MX1: variants seen among roughly 807,000 people sequenced by gnomAD.
MX1 encodes MX dynamin like GTPase 1, also known as interferon-induced GTP-binding protein Mx1.
MX1 carries 66 observed loss-of-function variants against 66.4 expected under a neutral mutation model. The ratio of observed to expected loss-of-function variants is 0.99; its 90% CI spans 0.82 to 1.22. MX1 has a LOEUF of 1.22. Ranked by LOEUF, MX1 falls within the 50% of genes most tolerant of loss-of-function variation. The pLI is 0.00. For synonymous variants in MX1, 311 were observed against 318.1 expected (o/e 0.98, Z 0.24); for missense variants, 787 against 834.3 (o/e 0.94, Z 0.70).
upstream of MX1, among the ~76,000 whole-genome samples, chr21:41,423,624 C>T (rs1315007654): frequency 6.6e-6 from 1 of 152,064 alleles, no homozygotes; most frequent in East Asian, 1.9e-4. Flanking sequence ...GATTCTTAGT[C>T]GGCCTGGGAC....
At chr21:41,451,142 G>A in intron 14 of MX1, 25 bp from the exon 15 acceptor site, 1 of 1,500,360 alleles carries the variant, frequency 6.7e-7, no homozygotes, top group African/African-American at 1.4e-5. Context: ...TACCAATATT[G>A]AACTATTTTT....
Position 41,441,149 on chromosome 21 carries a change from T to C in MX1, c.730+124T>C. The stretch of plus-strand genomic sequence containing the variant: ...GGAGCCCGCCTGTGCTCGGTGAGAA[T>C]GGGGGAGCCCGCCTGTGCTCGGTGG... On this transcript the variant is annotated intron_variant, in intron 9 of 16. Transcript: ENST00000398598. This position sits in a 1 kb window ranked among gnomAD's most constrained non-coding sequence, Gnocchi z 4.0. The C allele has an allele frequency of 1.7e-6, 2 of 1,203,892 alleles. No homozygotes were observed. Among genetic ancestry groups the C allele is most frequent in the Non-Finnish European group, 1.1e-6 (1 of 888,670 alleles). The allele number at this position is 1,203,892 out of a possible 1,614,324, so 74.6% of individuals were successfully genotyped here. A position where few individuals can be genotyped will look rare whatever the true frequency, so the allele number is the denominator to read the frequency against.
At chr21:41,456,036 G>A (rs2090950166) in intron 16 of MX1, among the ~76,000 whole-genome samples, 1 of 152,170 alleles carries the variant, frequency 6.6e-6, no homozygotes, top group African/African-American at 2.4e-5. Context: ...GAGGCCAGGA[G>A]TTTGAGACCA....
chr21:41,458,467 G>A, intron 16 of MX1, 61 bp from the exon 17 acceptor site: 6 of 1,179,734 alleles, frequency 5.1e-6, no homozygotes, highest in South Asian at 1.9e-5. Context: ...ACATGGTGAG[G>A]TCAGAGTCCC....
In MX1 at chr21:41,451,241, A is replaced by G. The variant is rs745675331; in HGVS notation, c.1507A>G (p.Lys503Glu). The G allele has an allele frequency of 6.3e-7, 1 of 1,599,728 alleles. No homozygotes were observed. Among genetic ancestry groups the G allele is most frequent in the Non-Finnish European group, 8.6e-7 (1 of 1,168,514 alleles). ...GTTTTTTAACCTCCACAGAACCGCCAAGGTAAAACCAACCATGTGTTGTTT... is the reference window on the plus strand; with the variant it reads ...GTTTTTTAACCTCCACAGAACCGCCGAGGTAAAACCAACCATGTGTTGTTT... Reference protein sequence around the residue: ...EEFFNLHRTAKSKIEDIRAEQ... With the variant: ...EEFFNLHRTAESKIEDIRAEQ... Residue 503 changes from lysine (K) to glutamate (E), a missense_variant and splice_region_variant, in exon 15 of 17, where the codon AAG becomes GAG. By Grantham distance (56) the Lys-to-Glu change is moderately conservative. Transcript: ENST00000398598.
chr21:41,434,485 A>G (rs192216514), intron 5 of MX1, among the ~76,000 whole-genome samples: 6 of 152,172 alleles, frequency 3.9e-5, no homozygotes, highest in Admixed American at 3.9e-4. Context: ...TCATCTTGCT[A>G]TTTGTTTTCT....
upstream of MX1, among the ~76,000 whole-genome samples, chr21:41,424,226 A>AGTGTGTGTGTGTGTGTGTGT (rs3037030): frequency 1.4e-5 from 2 of 146,216 alleles, no homozygotes; most frequent in East Asian, 2.0e-4. Context: ...AGAGGGGTTG[A>AGTGTGTGTGTGTGTGTGTGT]GTGTGTGTGT....
At chr21:41,451,858 A>AAGG (rs1555887875) in intron 15 of MX1, among the ~76,000 whole-genome samples, 1 of 138,222 alleles carries the variant, frequency 7.2e-6, no homozygotes, top group African/African-American at 2.8e-5. Flanking sequence ...AAAACAAACA[A>AAGG]AAAAACTTTC....
chr21:41,436,958 C>T (rs911291112), intron 6 of MX1, 57 bp from the exon 7 acceptor site: 48 of 1,598,090 alleles, frequency 3.0e-5, no homozygotes, highest in East Asian at 1.3e-4. Context: ...GGGCCTAAGG[C>T]GCTATGTAGG....
chr21:41,434,146 A>G (rs1310015591), intron 5 of MX1, among the ~76,000 whole-genome samples: 2 of 152,372 alleles, frequency 1.3e-5, no homozygotes, highest in Non-Finnish European at 1.5e-5. Context: ...ACGTCTGTCT[A>G]TGATGAAGCA....
chr21:41,427,499 A>T (rs2090094607), intron 2 of MX1, among the ~76,000 whole-genome samples, 195 bp downstream of exon 2: 1 of 151,426 alleles, frequency 6.6e-6, no homozygotes, highest in African/African-American at 2.4e-5. Context: ...CGTTCTGCAC[A>T]TGTACCCCAG....
In MX1 at chr21:41,456,769, G is replaced by GT. The variant is rs902830407; in HGVS notation, c.1759-1750dup. Among the ~76,000 whole-genome samples, 229 of 150,790 alleles carry GT rather than the reference G, an allele frequency of 1.5e-3. 2 individuals are homozygous for GT. Among genetic ancestry groups the GT allele is most frequent in the African/African-American group, 5.0e-3 (206 of 41,096 alleles). Reference sequence around the variant, plus strand: ...GTTGTTGGTTTTTTTTGTTTGTTTGGTTTTTTTTTGGTGACAGAGTCTCAC... The same window carrying GT: ...GTTGTTGGTTTTTTTTGTTTGTTTGGTTTTTTTTTTGGTGACAGAGTCTCAC... On this transcript the variant is annotated intron_variant, in intron 16 of 16. Transcript: ENST00000398598.
In MX1 at chr21:41,441,597, G is replaced by A. The variant is rs2090513736; in HGVS notation, c.731-119G>A. 1.9e-6 allele frequency: 2 copies of A among 1,026,842 alleles called. No individual in the cohort carries two copies. Among genetic ancestry groups the A allele is most frequent in the Non-Finnish European group, 3.0e-6 (2 of 659,900 alleles). 63.6% of individuals were successfully genotyped at this position (1,026,842 alleles called of 1,614,324 possible). A position where few individuals can be genotyped will look rare whatever the true frequency, so the allele number is the denominator to read the frequency against. On this transcript the variant is annotated intron_variant, in intron 9 of 16. Transcript: ENST00000398598. This position sits in a 1 kb window ranked among gnomAD's most constrained non-coding sequence, Gnocchi z 4.0. ...GCCCCCATGGTTCTGCAGGGGCTAT[G>A]GCCTGTCCTCAAGCAAGGATGGGAG...
chr21:41,443,513 G>A, intron 10 of MX1: 1 of 466,436 alleles, frequency 2.1e-6, no homozygotes, highest in South Asian at 2.6e-5. Context: ...GTGTATTTTT[G>A]TGATGACCAA....
Position 41,432,039 on chromosome 21 carries a change from T to A in MX1, c.-21-11T>A. 1 of 1,610,998 alleles carries A rather than the reference T, an allele frequency of 6.2e-7. No individual in the cohort carries two copies. The highest frequency in any genetic ancestry group is 8.5e-7 in the Non-Finnish European group (1 of 1,178,098). On this transcript the variant is annotated splice_polypyrimidine_tract_variant and intron_variant, in intron 4 of 16. Transcript: ENST00000398598. The stretch of plus-strand genomic sequence containing the variant: ...GCTTATCTGTTCAATAGGCATCTGC[T>A]TTATTTTAAGCTTACTTTGCAAAGA...
chr21:41,424,255 G>GTGTGTGTT (rs2090022855), upstream of MX1, among the ~76,000 whole-genome samples: 1 of 148,998 alleles, frequency 6.7e-6, no homozygotes, highest in African/African-American at 2.4e-5. Context: ...GTGTGTGTGT[G>GTGTGTGTT]TGTGTGTTAA....
chr21:41,438,410 C>T (rs2090420857), intron 7 of MX1, among the ~76,000 whole-genome samples: 1 of 152,184 alleles, frequency 6.6e-6, no homozygotes, highest in Non-Finnish European at 1.5e-5. Context: ...GCTAGCTGGG[C>T]TGGGGCTGAT....
intron 15 of MX1, 113 bp downstream of exon 15, chr21:41,451,356 A>C (rs966714620): frequency 2.7e-6 from 2 of 739,444 alleles, no homozygotes; most frequent in Admixed American, 4.4e-5. Context: ...TACTTTTAGA[A>C]CAGCAAATAA....
At position 41,441,831 on chromosome 21, in the gene MX1, C is replaced by T. The variant is rs1453852056; in HGVS notation, c.846C>T (p.Gly282=). ...KKGYMIVKCR[G]QQEIQDQLSL... is the part of the protein sequence containing the mutation. ...GTTACATGATTGTCAAGTGCCGGGG[C>T]CAGCAGGAGATCCAGGACCAGCTGA... The change falls in exon 10 of 17, where the codon GGC becomes GGT. Residue 282 remains glycine (G), a synonymous_variant. Coordinates refer to ENST00000398598, the MANE Select transcript of MX1 (RefSeq NM_002462.5). The surrounding 1 kb of genome is among the most constrained non-coding windows in gnomAD (Gnocchi z 4.0). 1 of 1,614,134 alleles carries T rather than the reference C, an allele frequency of 6.2e-7. No homozygotes were observed. The highest frequency in any genetic ancestry group is 8.5e-7 in the Non-Finnish European group (1 of 1,180,028).
Sources: gnomAD v4.1 joint callset for allele counts (sites outside exome capture counted in the v4.1 genomes callset) on GRCh38, gnomAD v4.1.1 for gene constraint, Gnocchi (gnomAD v3.1) non-coding constraint, MANE v1.5 for transcripts, NCBI Gene and HGNC (gene_info 2026-07-23, HGNC 2026-07-21) for gene names.